The following TMEM67 variants were observed in gnomAD, a reference collection of about 807,000 sequenced individuals.
TMEM67 encodes the protein meckelin.
Under a neutral mutation model 136.6 loss-of-function variants are expected in TMEM67, and 124 were observed. The observed-to-expected ratio is 0.91, with a 90% CI of 0.78 to 1.05. TMEM67 has a LOEUF of 1.05. TMEM67 is among the 50% of genes least tolerant of loss of function. The pLI is 0.00. For missense variants in TMEM67, 1,107 were observed against 1,178.4 expected, an observed-to-expected ratio of 0.94 and a Z score of 0.89; for synonymous variants, 364 against 390.5, an observed-to-expected ratio of 0.93 and a Z score of 0.80.
At chr8:93,820,920 G>A (rs1167662504), downstream of TMEM67, among the ~76,000 whole-genome samples, 1 of 152,150 alleles carries the variant, frequency 6.6e-6, no homozygotes, top group African/African-American at 2.4e-5. Flanking sequence ...AACTGCTTCT[G>A]TTATTTTTAT....
intron 6 of TMEM67, among the ~76,000 whole-genome samples, chr8:93,770,264 T>G (rs1051293065): frequency 6.0e-5 from 9 of 151,038 alleles, no homozygotes; most frequent in Admixed American, 2.0e-4. Flanking sequence ...TTTTTCCCCC[T>G]GAGCCATTTG....
At chr8:93,795,610 G>C in intron 17 of TMEM67, 103 bp downstream of exon 17, 1 of 1,087,536 alleles carries the variant, frequency 9.2e-7, no homozygotes, top group East Asian at 2.4e-5. Context: ...TTGATCAACA[G>C]TATTAAGAAA....
chr8:93,772,768 T>C (rs1813381361), intron 7 of TMEM67, 117 bp downstream of exon 7: 1 of 711,912 alleles, frequency 1.4e-6, no homozygotes, highest in Non-Finnish European at 2.4e-6. Context: ...CATAATCTTA[T>C]AAGAAGAATA....
rs1312345992 is a variant in TMEM67 at position 93,804,888 on chromosome 8, T to C, written c.2439+10T>C. 1.4e-6 allele frequency: 2 copies of C among 1,436,820 alleles called. No homozygotes were observed. The highest frequency in any genetic ancestry group is 2.0e-6 in the Non-Finnish European group (2 of 1,018,984). The allele number at this position is 1,436,820 out of a possible 1,614,324, so 89.0% of individuals were successfully genotyped here. On this transcript the variant is annotated intron_variant, in intron 23 of 27. Transcript: ENST00000453321. ...CCTTAAAAGAGAAGCGGTATGAAAA[T>C]GTTTTACATCTTTTTGTTTTTAAGT...
rs1814462260 is a variant in TMEM67 at position 93,793,204 on chromosome 8, T to G, written c.1582T>G (p.Leu528Val). 2 of 1,613,580 alleles carry G rather than the reference T, an allele frequency of 1.2e-6. No homozygotes were observed. Among genetic ancestry groups the G allele is most frequent in the African/African-American group, 2.7e-5 (2 of 74,892 alleles). The change falls in exon 16 of 28, where the codon TTG becomes GTG. Residue 528 changes from leucine (L) to valine (V), a missense_variant. Physicochemically the swap from Leu to Val is conservative, Grantham distance 32. Coordinates refer to ENST00000453321, the MANE Select transcript of TMEM67 (RefSeq NM_153704.6). ...TTGTTCTTTTGTTTTTTAGATTGCTTTGGGTGTATTGGGTGGGCTAGCTGT... is the reference window on the plus strand; with the variant it reads ...TTGTTCTTTTGTTTTTTAGATTGCTGTGGGTGTATTGGGTGGGCTAGCTGT... ...GEAHVQTDIA[L>V]GVLGGLAVLA...
chr8:93,809,969 T>TTA, intron 26 of TMEM67, 82 bp downstream of exon 26: 2 of 919,928 alleles, frequency 2.2e-6, no homozygotes, highest in Admixed American at 2.5e-5. Flanking sequence ...TTTTCTTTTT[T>TTA]TCTTTTTTTT....
At chr8:93,803,247 T>A (rs1016480827) in intron 21 of TMEM67, among the ~76,000 whole-genome samples, 1 of 152,204 alleles carries the variant, frequency 6.6e-6, no homozygotes, top group African/African-American at 2.4e-5. Flanking sequence ...GTCTTGAAAT[T>A]TAGATGAGCA....
At chr8:93,804,713 T>G (rs1259976099) in intron 22 of TMEM67, 49 bp from the exon 23 acceptor site, 11 of 1,023,844 alleles carry the variant, frequency 1.1e-5, no homozygotes, top group Non-Finnish European at 1.7e-5. Context: ...AATTTTTTAT[T>G]GTTTTGCAGA....
At chr8:93,785,663 C>T in intron 12 of TMEM67, 1 of 302,454 alleles carries the variant, frequency 3.3e-6, no homozygotes, top group Non-Finnish European at 6.0e-6. Context: ...TCAAGCTGTC[C>T]CGAATATGCT....
chr8:93,819,045 C>T (rs748831239), downstream of TMEM67: 1 of 448,264 alleles, frequency 2.2e-6, no homozygotes, highest in South Asian at 1.6e-5. Context: ...TCGAGAGATT[C>T]ACCCACCTCG....
intron 19 of TMEM67, 42 bp from the exon 20 acceptor site, chr8:93,797,289 A>G: frequency 6.2e-7 from 1 of 1,614,028 alleles, no homozygotes; most frequent in Non-Finnish European, 8.5e-7. Context: ...TTGCAGAGCA[A>G]AGGAGGTAAA....
chr8:93,772,313 G>A (rs1009216118), intron 6 of TMEM67, among the ~76,000 whole-genome samples: 1 of 151,712 alleles, frequency 6.6e-6, no homozygotes. Context: ...TTTTTCTTTT[G>A]TTTGCCACTT....
intron 10 of TMEM67, among the ~76,000 whole-genome samples, chr8:93,781,952 T>A (rs1813853656): frequency 6.6e-6 from 1 of 152,036 alleles, no homozygotes; most frequent in Non-Finnish European, 1.5e-5. Flanking sequence ...GGAGTCTCGC[T>A]TTCTTAACCA....
chr8:93,808,291 TTA>T (rs1039580641), intron 23 of TMEM67, among the ~76,000 whole-genome samples: 5 of 143,144 alleles, frequency 3.5e-5, no homozygotes, highest in Non-Finnish European at 7.6e-5. Flanking sequence ...CTATTATGGA[TTA>T]TATATATTAT....
chr8:93,780,151 G>T (rs1813746981), intron 7 of TMEM67, among the ~76,000 whole-genome samples: 2 of 151,788 alleles, frequency 1.3e-5, no homozygotes, highest in African/African-American at 4.8e-5. Flanking sequence ...AGTGAGCAAG[G>T]CTCTGTAGGC....
the TMEM67 span, among the ~76,000 whole-genome samples, chr8:93,830,994 G>A: frequency 1.3e-5 from 2 of 152,298 alleles, no homozygotes; most frequent in East Asian, 1.9e-4. Flanking sequence ...TGATGATCAC[G>A]GACACTAACA....
At position 93,810,212 on chromosome 8, in the gene TMEM67, G is replaced by A. The variant is rs541579817; in HGVS notation, c.2764+325G>A. On this transcript the variant is annotated intron_variant, in intron 26 of 27. Coordinates refer to ENST00000453321, the MANE Select transcript of TMEM67 (RefSeq NM_153704.6). ...TCTTGATCTCTTGACCTCGTGATCC[G>A]CCCACCTCGGCCTCCCAAAGTGCTG... Among the ~76,000 whole-genome samples the A allele has an allele frequency of 5.4e-3, 810 of 149,512 alleles. 5 individuals are homozygous for A. The highest frequency in any genetic ancestry group is 7.1e-3 in the Non-Finnish European group (479 of 67,338).
chr8:93,758,513 AT>A lies in TMEM67; in HGVS notation c.346del (p.Ser116LeufsTer6), dbSNP rs1306266549. On this transcript the variant is annotated frameshift_variant, in exon 3 of 28. Transcript: ENST00000453321. LOFTEE classifies it high-confidence loss of function. ...TGTTACAGAAGATGGCTGGAACTGCATTTCTTGCCCTAGTGACTTAACTGCC... is the reference window on the plus strand; with the variant it reads ...TGTTACAGAAGATGGCTGGAACTGCATTCTTGCCCTAGTGACTTAACTGCC... ...KGVTEDGWNC[I>X]SCPSDLTAEG... 4 of 1,613,994 alleles carry A rather than the reference AT, an allele frequency of 2.5e-6. No homozygotes were observed. The East Asian group carries it at 8.9e-5, about 36-fold the overall frequency.
At chr8:93,807,158 T>C (rs1815189202) in intron 23 of TMEM67, among the ~76,000 whole-genome samples, 2 of 152,126 alleles carry the variant, frequency 1.3e-5, no homozygotes, top group African/African-American at 4.8e-5. Flanking sequence ...CACAGTGAAA[T>C]GGGCAACCAC....
Sources: gnomAD v4.1 joint callset for allele counts (sites outside exome capture counted in the v4.1 genomes callset) on GRCh38, gnomAD v4.1.1 for gene constraint, MANE v1.5 for transcripts, NCBI Gene and HGNC (gene_info 2026-07-23, HGNC 2026-07-21) for gene names.